Variants in FBN1 observed in about 807,000 individuals in gnomAD.
FBN1 encodes fibrillin-1.
FBN1 carries 29 observed loss-of-function variants against 365.1 expected under a neutral mutation model. The observed-to-expected ratio is 0.08, with a 90% CI of 0.06 to 0.11. The LOEUF (loss-of-function observed/expected upper bound fraction) is 0.11, where lower values mean the gene tolerates loss of function less well. Ranked by LOEUF, FBN1 falls within the 10% of genes least tolerant of loss-of-function variation. The pLI, the probability that FBN1 is intolerant of heterozygous loss-of-function variation, is 1.00. For synonymous variants in FBN1, 1,210 were observed against 1,270.5 expected, an observed-to-expected ratio of 0.95 and a Z score of 1.01; for missense variants, 2,476 against 3,703.2, an observed-to-expected ratio of 0.67 and a Z score of 8.60.
chr15:48,598,931 C>G lies in FBN1; in HGVS notation c.442+1208G>C, dbSNP rs991073426. On this transcript the variant is annotated intron_variant, in intron 5 of 65. Coordinates refer to ENST00000316623, the MANE Select transcript of FBN1 (RefSeq NM_000138.5). ...GCTGTTCCCATAACAGTAAGTCTCACAAGATCTGATGGTTATCATAAGGGG... is the reference window on the plus strand; with the variant it reads ...GCTGTTCCCATAACAGTAAGTCTCAGAAGATCTGATGGTTATCATAAGGGG... Among the ~76,000 whole-genome samples, 18 of 152,152 alleles carry G rather than the reference C, an allele frequency of 1.2e-4. 1 individual carries two copies. Among genetic ancestry groups the G allele is most frequent in the Admixed American group, 1.2e-3 (18 of 15,276 alleles).
intron 60 of FBN1, among the ~76,000 whole-genome samples, chr15:48,424,075 G>A (rs1294425725): frequency 1.3e-5 from 2 of 152,166 alleles, no homozygotes; most frequent in African/African-American, 4.8e-5. Context: ...TCATTTATAT[G>A]AATAAATTTA....
At chr15:48,498,907 T>A in intron 18 of FBN1, 78 bp downstream of exon 18, 1 of 1,356,284 alleles carries the variant, frequency 7.4e-7, no homozygotes, top group Non-Finnish European at 1.1e-6. Flanking sequence ...TGTAAAGGGA[T>A]CAACTGGAAA....
chr15:48,638,668 G>A (rs954063484), intron 2 of FBN1, among the ~76,000 whole-genome samples: 1 of 150,524 alleles, frequency 6.6e-6, no homozygotes, highest in Non-Finnish European at 1.5e-5. Context: ...TAAAAAATTG[G>A]GCTGAGTTTA....
At chr15:48,586,535 C>T (rs1052952585) in intron 6 of FBN1, among the ~76,000 whole-genome samples, 1 of 152,172 alleles carries the variant, frequency 6.6e-6, no homozygotes, top group African/African-American at 2.4e-5. Context: ...GGCATGCACA[C>T]TGACCACATC....
In FBN1 at chr15:48,421,547, T is replaced by G. The variant is rs1370666988; in HGVS notation, c.7699+11A>C. ...TTCACCAGCTGGATCGCAGCTGAAG[T>G]CTCCACCCACCTTCACAGCTGGAGC... On this transcript the variant is annotated intron_variant, in intron 62 of 65. Coordinates refer to ENST00000316623, the MANE Select transcript of FBN1 (RefSeq NM_000138.5). 1 of 1,611,270 alleles carries G rather than the reference T, an allele frequency of 6.2e-7. No homozygotes were observed. The highest frequency in any genetic ancestry group is 1.7e-5 in the Admixed American group (1 of 59,896).
At chr15:48,635,795 C>G (rs1262752749) in intron 2 of FBN1, among the ~76,000 whole-genome samples, 1 of 152,224 alleles carries the variant, frequency 6.6e-6, no homozygotes, top group Non-Finnish European at 1.5e-5. Context: ...TTATTCCTGA[C>G]AGTTGTGAGT....
intron 6 of FBN1, among the ~76,000 whole-genome samples, chr15:48,542,978 G>A (rs891151913): frequency 2.0e-5 from 3 of 152,082 alleles, no homozygotes; most frequent in Admixed American, 6.6e-5. Context: ...ACTGCCACTC[G>A]ACATAACCCA....
intron 54 of FBN1, 56 bp downstream of exon 54, chr15:48,434,538 C>A: frequency 7.5e-6 from 12 of 1,607,276 alleles, no homozygotes; most frequent in Non-Finnish European, 1.0e-5. Context: ...TGTAATCAAC[C>A]AATTGTTCCC....
At chr15:48,515,236 C>G in intron 12 of FBN1, 151 bp downstream of exon 12, 1 of 819,936 alleles carries the variant, frequency 1.2e-6, no homozygotes. Flanking sequence ...TGTTGGACTA[C>G]TAACCTACAG....
chr15:48,413,803 C>T (rs2042881834), intron 64 of FBN1, among the ~76,000 whole-genome samples: 1 of 152,138 alleles, frequency 6.6e-6, no homozygotes, highest in African/African-American at 2.4e-5. Context: ...TTCCTATATA[C>T]CCTTAGGATT....
intron 33 of FBN1, 27 bp downstream of exon 33, chr15:48,474,501 A>G: frequency 6.2e-7 from 1 of 1,614,184 alleles, no homozygotes; most frequent in Non-Finnish European, 8.5e-7. Flanking sequence ...GTCCTTGATA[A>G]GCAACCTCTG....
At chr15:48,477,438 C>T (rs552080061) in intron 32 of FBN1, among the ~76,000 whole-genome samples, 1 of 152,282 alleles carries the variant, frequency 6.6e-6, no homozygotes, top group East Asian at 1.9e-4. Flanking sequence ...CAATGTTTTA[C>T]ACTCTCAGTA....
intron 37 of FBN1, 122 bp downstream of exon 37, chr15:48,468,290 G>C (rs1304474182): frequency 1.4e-6 from 2 of 1,396,640 alleles, no homozygotes; most frequent in African/African-American, 2.8e-5. Flanking sequence ...CTAAAGTAGA[G>C]TTAGGAAATG....
chr15:48,534,581 A>G (rs971235248), intron 7 of FBN1, among the ~76,000 whole-genome samples: 2 of 152,236 alleles, frequency 1.3e-5, no homozygotes, highest in African/African-American at 4.8e-5. Context: ...TAATAATCAG[A>G]GTTATTCAAA....
In FBN1 at chr15:48,456,770, C is replaced by T. The variant is rs756632646; in HGVS notation, c.5297-8G>A. The T allele has an allele frequency of 1.9e-6, 3 of 1,611,768 alleles. No homozygotes were observed. Among genetic ancestry groups the T allele is most frequent in the Admixed American group, 3.3e-5 (2 of 59,908 alleles). On this transcript the variant is annotated splice_polypyrimidine_tract_variant and splice_region_variant and intron_variant, in intron 43 of 65. Coordinates refer to ENST00000316623, the MANE Select transcript of FBN1 (RefSeq NM_000138.5). ...CCCGGCACTCATCAATATCTAGAGACAGAGTAGTCATTCATGAGTGACAGG... is the reference window on the plus strand; with the variant it reads ...CCCGGCACTCATCAATATCTAGAGATAGAGTAGTCATTCATGAGTGACAGG...
chr15:48,462,515 T>C (rs903733384), intron 42 of FBN1, among the ~76,000 whole-genome samples: 1 of 152,210 alleles, frequency 6.6e-6, no homozygotes, highest in Non-Finnish European at 1.5e-5. Context: ...TCCCTTTTCA[T>C]AGGAGCTGCT....
chr15:48,502,940 T>C (rs1446398889), intron 17 of FBN1, among the ~76,000 whole-genome samples: 1 of 152,142 alleles, frequency 6.6e-6, no homozygotes, highest in African/African-American at 2.4e-5. Context: ...TCTCTTTTCA[T>C]TAGGCCATGT....
intron 32 of FBN1, among the ~76,000 whole-genome samples, chr15:48,478,477 G>A (rs1452353340): frequency 2.6e-5 from 4 of 152,166 alleles, no homozygotes; most frequent in African/African-American, 9.7e-5. Flanking sequence ...TTAATGGTAT[G>A]CTTGCTTTAT....
chr15:48,598,245 C>T (rs2044530912), intron 5 of FBN1, among the ~76,000 whole-genome samples: 1 of 152,226 alleles, frequency 6.6e-6, no homozygotes. Flanking sequence ...AGAGGAACTA[C>T]TGAGGTCCCT....
Sources: allele counts gnomAD v4.1 joint callset (sites outside exome capture counted in the v4.1 genomes callset), GRCh38; gene constraint gnomAD v4.1.1; transcripts MANE v1.5; gene names NCBI Gene and HGNC (gene_info 2026-07-23, HGNC 2026-07-21).